TENM3: variants seen among roughly 807,000 people sequenced by gnomAD.
TENM3 encodes teneurin transmembrane protein 3, also known as teneurin-3.
TENM3 carries 63 observed loss-of-function variants against 255.1 expected under a neutral mutation model. The ratio of observed to expected loss-of-function variants is 0.25; its 90% CI spans 0.20 to 0.30. The LOEUF (loss-of-function observed/expected upper bound fraction) is 0.30, where lower values mean the gene tolerates loss of function less well. TENM3 is among the 10% of genes least tolerant of loss of function. The probability of loss-of-function intolerance (pLI) is 1.00; values close to 1 mark genes in which losing one functional copy is unlikely to be tolerated. For synonymous variants in TENM3, 1,306 were observed against 1,322.3 expected, an observed-to-expected ratio of 0.99 and a Z score of 0.27; for missense variants, 2,929 against 3,461.1, an observed-to-expected ratio of 0.85 and a Z score of 3.86.
chr4:181,592,256 A>AACAC, the TENM3 span, among the ~76,000 whole-genome samples: 14 of 148,320 alleles, frequency 9.4e-5, no homozygotes, highest in African/African-American at 1.3e-4. Context: ...TTTAAACACA[A>AACAC]ACACACACAC....
chr4:182,766,734 G>A (rs967625161), intron 22 of TENM3, among the ~76,000 whole-genome samples: 4 of 151,818 alleles, frequency 2.6e-5, no homozygotes, highest in South Asian at 2.1e-4. Context: ...TAGCTGGGGG[G>A]TGTTTGAAAA....
the TENM3 span, among the ~76,000 whole-genome samples, chr4:181,919,753 CTTTAGT>C: frequency 1.3e-5 from 2 of 151,362 alleles, no homozygotes; most frequent in Non-Finnish European, 2.9e-5. Flanking sequence ...TATTATTATA[CTTTAGT>C]TTTAGGGTAC....
At chr4:181,496,517 T>C in the TENM3 span, among the ~76,000 whole-genome samples, 95,437 of 151,330 alleles carry the variant, frequency 0.63, 28,672 homozygotes, top group African/African-American at 0.7. Context: ...ATTTTAACTG[T>C]TCCTTATTTA....
intron 12 of TENM3, among the ~76,000 whole-genome samples, chr4:182,708,279 C>T (rs1261900973): frequency 2.0e-5 from 3 of 152,096 alleles, no homozygotes; most frequent in East Asian, 3.9e-4. Flanking sequence ...CAAAGTGCTT[C>T]GTGTGTGTCC....
At chr4:181,502,930 T>C in the TENM3 span, among the ~76,000 whole-genome samples, 64,492 of 151,992 alleles carry the variant, frequency 0.42, 14,526 homozygotes, top group African/African-American at 0.58. Flanking sequence ...GTCATAATTT[T>C]CAGCAAAAGC....
the TENM3 span, among the ~76,000 whole-genome samples, chr4:181,494,588 GCTTCT>G: frequency 5.9e-5 from 9 of 152,076 alleles, no homozygotes; most frequent in Non-Finnish European, 1.2e-4. Context: ...ACCCGGCTCA[GCTTCT>G]CTTTTTCTTA....
At chr4:181,889,833 G>T in the TENM3 span, among the ~76,000 whole-genome samples, 1 of 152,064 alleles carries the variant, frequency 6.6e-6, no homozygotes, top group Non-Finnish European at 1.5e-5. Context: ...AAAATAATTT[G>T]CTTTTATTTT....
At chr4:182,291,847 C>T (rs1056582405) in intron 1 of TENM3, among the ~76,000 whole-genome samples, 1 of 152,050 alleles carries the variant, frequency 6.6e-6, no homozygotes, top group Non-Finnish European at 1.5e-5. Flanking sequence ...TGTCTCCAGG[C>T]GCTCTAGGGT....
the TENM3 span, among the ~76,000 whole-genome samples, chr4:181,818,991 C>T: frequency 1.3e-5 from 2 of 152,190 alleles, no homozygotes; most frequent in African/African-American, 2.4e-5. Context: ...AGACCATGAC[C>T]ATGGTTAGGT....
At chr4:182,367,935 T>G (rs1435639944) in intron 3 of TENM3, among the ~76,000 whole-genome samples, 7 of 152,158 alleles carry the variant, frequency 4.6e-5, no homozygotes, top group Admixed American at 2.6e-4. Context: ...GAACAGGTCA[T>G]TCAGTGACCA....
Position 182,388,265 on chromosome 4 carries a change from C to T in TENM3, c.511+41336C>T, listed in dbSNP as rs148553276. 5.1e-3 allele frequency among the ~76,000 whole-genome samples: 780 copies of T among 152,236 alleles called. 2 individuals are homozygous for T. Among genetic ancestry groups the T allele is most frequent in the African/African-American group, 0.018 (746 of 41,528 alleles). On this transcript the variant is annotated intron_variant, in intron 3 of 27. Transcript: ENST00000511685. ...GTCTCCTTGACGTAGCAGTCCCTCT[C>T]AGTCCTCTGCCTGGCCTCATCAAGA...
chr4:182,367,040 C>T (rs936557405), intron 3 of TENM3, among the ~76,000 whole-genome samples: 3 of 151,824 alleles, frequency 2.0e-5, no homozygotes, highest in Admixed American at 1.3e-4. Flanking sequence ...GGGAAACAAT[C>T]GGAAGACAAA....
chr4:181,481,599 AT>A, the TENM3 span, among the ~76,000 whole-genome samples: 3 of 152,186 alleles, frequency 2.0e-5, no homozygotes, highest in African/African-American at 4.8e-5. Flanking sequence ...AGAGAGGTTA[AT>A]TAACTAGAGT....
chr4:182,603,015 G>A (rs889367988), intron 4 of TENM3, among the ~76,000 whole-genome samples: 2 of 152,292 alleles, frequency 1.3e-5, no homozygotes, highest in Admixed American at 6.5e-5. Flanking sequence ...AGGAGAGTTA[G>A]CATTCCGTGA....
the TENM3 span, among the ~76,000 whole-genome samples, chr4:181,521,345 C>T: frequency 3.9e-5 from 6 of 152,178 alleles, no homozygotes; most frequent in Non-Finnish European, 5.9e-5. Flanking sequence ...ATGCCATTAG[C>T]TTTCTTTAGT....
At chr4:182,086,862 CAGGAGGCCTTGG>C in the TENM3 span, among the ~76,000 whole-genome samples, 1 of 152,170 alleles carries the variant, frequency 6.6e-6, no homozygotes, top group Non-Finnish European at 1.5e-5. Flanking sequence ...CACCGACAGG[CAGGAGGCCTTGG>C]AAAGTACCAA....
chr4:181,722,774 A>G, the TENM3 span, among the ~76,000 whole-genome samples: 1 of 152,162 alleles, frequency 6.6e-6, no homozygotes, highest in East Asian at 1.9e-4. Flanking sequence ...ATGATGATTA[A>G]TTATCTTCTC....
chr4:181,540,503 G>C, the TENM3 span, among the ~76,000 whole-genome samples: 1 of 152,108 alleles, frequency 6.6e-6, no homozygotes, highest in Non-Finnish European at 1.5e-5. Context: ...GCAACTCTGC[G>C]GTGGGGGACC....
chr4:181,760,196 C>T, the TENM3 span, among the ~76,000 whole-genome samples: 1 of 151,430 alleles, frequency 6.6e-6, no homozygotes, highest in African/African-American at 2.4e-5. Flanking sequence ...TCCCCCTCTT[C>T]CTCCAAAAAA....
Sources: allele counts gnomAD v4.1 joint callset (sites outside exome capture counted in the v4.1 genomes callset), GRCh38; gene constraint gnomAD v4.1.1; transcripts MANE v1.5; gene names NCBI Gene and HGNC (gene_info 2026-07-23, HGNC 2026-07-21).